Variants in ADAMTSL3 observed in about 807,000 individuals in gnomAD.
ADAMTSL3 encodes ADAMTS like 3.
ADAMTSL3 carries 128 observed loss-of-function variants against 201.7 expected under a neutral mutation model. The ratio of observed to expected loss-of-function variants is 0.63; its 90% CI spans 0.55 to 0.73. The LOEUF is 0.73. ADAMTSL3 is among the 30% of genes least tolerant of loss of function. The pLI is 0.00. For missense variants in ADAMTSL3, 1,990 were observed against 2,119.6 expected (o/e 0.94, Z 1.20); for synonymous variants, 738 against 748.4 (o/e 0.99, Z 0.23).
At chr15:83,887,681 C>T (rs983234199) in intron 10 of ADAMTSL3, among the ~76,000 whole-genome samples, 2 of 152,146 alleles carry the variant, frequency 1.3e-5, no homozygotes, top group Non-Finnish European at 2.9e-5. Context: ...ACTCAAACTC[C>T]TGGGCTCAAG....
intron 6 of ADAMTSL3, among the ~76,000 whole-genome samples, chr15:83,826,269 C>G (rs1246295493): frequency 6.6e-6 from 1 of 151,960 alleles, no homozygotes; most frequent in Non-Finnish European, 1.5e-5. Context: ...TAATGTTCCA[C>G]CATGCTAGGA....
intron 4 of ADAMTSL3, among the ~76,000 whole-genome samples, chr15:83,785,740 A>G (rs1436782760): frequency 2.0e-5 from 3 of 151,454 alleles, no homozygotes; most frequent in Non-Finnish European, 4.4e-5. Flanking sequence ...CATGAATACC[A>G]GTAATTTCTG....
In ADAMTSL3 at chr15:83,870,878, C is replaced by T; in HGVS notation, c.879C>T (p.Asn293=). The change falls in exon 9 of 30, where the codon AAC becomes AAT. Residue 293 remains asparagine, a synonymous_variant. Coordinates refer to ENST00000286744, the MANE Select transcript of ADAMTSL3 (RefSeq NM_207517.3). The part of the protein sequence containing the change: ...FNSPGVFLVE[N]TTVEFQRGSE... ...GCCCCGGCGTCTTTCTCGTAGAAAA[C>T]ACAACAGTGGAATTTCAGAGGGGCT... 6.2e-7 allele frequency: 1 copy of T among 1,613,266 alleles called. No individual in the cohort carries two copies. Among genetic ancestry groups the T allele is most frequent in the South Asian group, 1.1e-5 (1 of 90,882 alleles).
Position 83,982,539 on chromosome 15 carries a change from G to A in ADAMTSL3, c.2911G>A (p.Gly971Ser), listed in dbSNP as rs758428120. 4.3e-6 allele frequency: 7 copies of A among 1,614,024 alleles called. No individual in the cohort carries two copies. The highest frequency in any genetic ancestry group is 2.2e-5 in the South Asian group (2 of 91,072). Reference protein sequence around the residue: ...ITKSGSLKIHGLAAPDIGVYR... With the variant: ...ITKSGSLKIHSLAAPDIGVYR... ...CAAGTCAGGCTCACTAAAAATCCATGGTCTTGCTGCCCCCGACATCGGCGT... is the reference window on the plus strand; with the variant it reads ...CAAGTCAGGCTCACTAAAAATCCATAGTCTTGCTGCCCCCGACATCGGCGT... Residue 971 changes from glycine (G) to serine (S), a missense_variant, in exon 21 of 30, where the codon GGT (glycine) becomes AGT (serine). Physicochemically the swap from Gly to Ser is moderately conservative, Grantham distance 56. Coordinates refer to ENST00000286744, the MANE Select transcript of ADAMTSL3 (RefSeq NM_207517.3).
At chr15:83,871,067 C>G (rs1228963222) in intron 9 of ADAMTSL3, 108 bp downstream of exon 9, 5 of 1,270,818 alleles carry the variant, frequency 3.9e-6, no homozygotes, top group Non-Finnish European at 5.5e-6. Context: ...GTTTTTTATA[C>G]AGAGCATGTG....
intron 9 of ADAMTSL3, among the ~76,000 whole-genome samples, chr15:83,878,914 G>A (rs1441384021): frequency 6.6e-6 from 1 of 151,896 alleles, no homozygotes; most frequent in African/African-American, 2.4e-5. Flanking sequence ...TTGGCAGTGT[G>A]CACCAGGAAA....
intron 19 of ADAMTSL3, among the ~76,000 whole-genome samples, chr15:83,955,023 GC>G (rs1167978706): frequency 6.6e-6 from 1 of 152,154 alleles, no homozygotes; most frequent in Non-Finnish European, 1.5e-5. Flanking sequence ...TTCACTCAAG[GC>G]CCTAGGGCTA....
At chr15:84,030,295 C>T (rs2068380212) in intron 27 of ADAMTSL3, among the ~76,000 whole-genome samples, 2 of 152,138 alleles carry the variant, frequency 1.3e-5, no homozygotes, top group South Asian at 4.1e-4. Flanking sequence ...AGGACTGTAC[C>T]CTGCAAAGCC....
At chr15:83,903,306 A>G (rs2065763627) in intron 15 of ADAMTSL3, among the ~76,000 whole-genome samples, 1 of 148,254 alleles carries the variant, frequency 6.7e-6, no homozygotes, top group South Asian at 2.1e-4. Flanking sequence ...TAACCATTTG[A>G]AAGTGTACAG....
At chr15:84,008,613 A>G (rs772105939) in intron 23 of ADAMTSL3, among the ~76,000 whole-genome samples, 1 of 151,916 alleles carries the variant, frequency 6.6e-6, no homozygotes, top group Non-Finnish European at 1.5e-5. Context: ...TTCTCTATAT[A>G]TACTCTCTCC....
chr15:83,783,801 GGAA>G (rs1382887397), intron 4 of ADAMTSL3, among the ~76,000 whole-genome samples: 1 of 150,904 alleles, frequency 6.6e-6, no homozygotes, highest in East Asian at 2.0e-4. Context: ...TAAAAAAAAA[GGAA>G]GAGCAAATTT....
At chr15:83,855,623 G>A (rs2064715340) in intron 7 of ADAMTSL3, among the ~76,000 whole-genome samples, 1 of 152,146 alleles carries the variant, frequency 6.6e-6, no homozygotes, top group African/African-American at 2.4e-5. Flanking sequence ...CATGGAGGTG[G>A]AGAATGGGGA....
Position 83,870,842 on chromosome 15 carries a change from C to G in ADAMTSL3, c.843C>G (p.His281Gln), listed in dbSNP as rs1441422216. ...CACTTCAAGGAAGCAAAGGAGAACA[C>G]AGCTTTAACAGCCCCGGCGTCTTTC... ...SKTLQGSKGE[H>Q]SFNSPGVFLV... The change falls in exon 9 of 30, where the codon CAC becomes CAG. Residue 281 changes from histidine to glutamine, a missense_variant. Coordinates refer to ENST00000286744, the MANE Select transcript of ADAMTSL3 (RefSeq NM_207517.3). The G allele has an allele frequency of 6.2e-7, 1 of 1,610,984 alleles. No homozygotes were observed. Among genetic ancestry groups the G allele is most frequent in the African/African-American group, 1.3e-5 (1 of 74,846 alleles).
intron 3 of ADAMTSL3, among the ~76,000 whole-genome samples, chr15:83,742,149 C>A (rs978796194): frequency 2.0e-5 from 3 of 151,936 alleles, no homozygotes; most frequent in Non-Finnish European, 4.4e-5. Flanking sequence ...TATCTTAATG[C>A]AAAAATTAGA....
chr15:84,030,272 G>A (rs1472156034), intron 27 of ADAMTSL3, among the ~76,000 whole-genome samples: 2 of 152,146 alleles, frequency 1.3e-5, no homozygotes, highest in Non-Finnish European at 2.9e-5. Context: ...GCCCATGAAA[G>A]CAGCCAGGAG....
At chr15:83,732,801 G>A (rs961241039) in intron 3 of ADAMTSL3, among the ~76,000 whole-genome samples, 2 of 152,086 alleles carry the variant, frequency 1.3e-5, no homozygotes, top group Non-Finnish European at 2.9e-5. Flanking sequence ...ACACATACCT[G>A]TTTATCTTTT....
At chr15:83,913,524 T>G (rs1282471893) in intron 16 of ADAMTSL3, 146 bp downstream of exon 16, 1 of 885,740 alleles carries the variant, frequency 1.1e-6, no homozygotes, top group Non-Finnish European at 1.7e-6. Flanking sequence ...ATACTTTTTC[T>G]TCTTTTTCTT....
At chr15:83,705,721 A>G (rs1485143575) in intron 3 of ADAMTSL3, among the ~76,000 whole-genome samples, 1 of 152,124 alleles carries the variant, frequency 6.6e-6, no homozygotes, top group Non-Finnish European at 1.5e-5. Context: ...CACACTCTCC[A>G]TCCTTGAGGC....
chr15:84,036,946 A>T lies in ADAMTSL3; in HGVS notation c.4928A>T (p.Lys1643Ile), dbSNP rs749695113. Residue 1643 changes from lysine (K) to isoleucine (I), a missense_variant, in exon 29 of 30, where the codon AAA (lysine) becomes ATA (isoleucine). By Grantham distance (102) the Lys-to-Ile change is moderately radical. Coordinates refer to ENST00000286744, the MANE Select transcript of ADAMTSL3 (RefSeq NM_207517.3). The part of the protein sequence containing the change: ...VAKRHCVQKK[K>I]PISWRHCLGP... Reference sequence around the variant, plus strand: ...AAGAGACACTGTGTACAGAAAAAGAAACCAATTTCCTGGCGGCACTGTCTT... The same window carrying T: ...AAGAGACACTGTGTACAGAAAAAGATACCAATTTCCTGGCGGCACTGTCTT... 3.2e-5 allele frequency: 51 copies of T among 1,613,954 alleles called. No individual in the cohort carries two copies. The highest frequency in any genetic ancestry group is 5.5e-5 in the South Asian group (5 of 91,070).
Sources: allele counts gnomAD v4.1 joint callset (sites outside exome capture counted in the v4.1 genomes callset), GRCh38; gene constraint gnomAD v4.1.1; transcripts MANE v1.5; gene names NCBI Gene and HGNC (gene_info 2026-07-23, HGNC 2026-07-21).